ANKS1B: variants seen among roughly 807,000 people sequenced by gnomAD.
The protein encoded by ANKS1B is ankyrin repeat and sterile alpha motif domain-containing protein 1B.
Under a neutral mutation model 148.3 loss-of-function variants are expected in ANKS1B, and 36 were observed. The ratio of observed to expected loss-of-function variants is 0.24; its 90% confidence interval spans 0.19 to 0.32. ANKS1B has a LOEUF of 0.32. Among genes scored for constraint, ANKS1B ranks in the 10% least tolerant of loss-of-function variants. The pLI, the probability that ANKS1B is intolerant of heterozygous loss-of-function variation, is 1.00. For missense variants in ANKS1B, 1,157 were observed against 1,542.6 expected, an observed-to-expected ratio of 0.75 and a Z score of 4.19; for synonymous variants, 542 against 560.8, an observed-to-expected ratio of 0.97 and a Z score of 0.47.
intron 14 of ANKS1B, among the ~76,000 whole-genome samples, chr12:99,183,749 T>C (rs1317298026): frequency 6.6e-6 from 1 of 152,166 alleles, no homozygotes; most frequent in Non-Finnish European, 1.5e-5. Context: ...CCTGAGACTT[T>C]GACATACTAA....
chr12:99,811,623 T>A (rs1274191636), intron 3 of ANKS1B, among the ~76,000 whole-genome samples: 1 of 151,912 alleles, frequency 6.6e-6, no homozygotes, highest in Non-Finnish European at 1.5e-5. Context: ...TTTATTCAAC[T>A]TATTCTGGGC....
At chr12:99,912,856 A>T (rs2094049635) in intron 1 of ANKS1B, among the ~76,000 whole-genome samples, 2 of 152,160 alleles carry the variant, frequency 1.3e-5, no homozygotes. Context: ...AGTACTAAAC[A>T]TTCTATATAT....
At chr12:99,976,175 G>C (rs1310518158) in intron 1 of ANKS1B, among the ~76,000 whole-genome samples, 1 of 152,108 alleles carries the variant, frequency 6.6e-6, no homozygotes, top group African/African-American at 2.4e-5. Context: ...ATAAGGGAAC[G>C]AAAGACACAG....
chr12:99,931,197 C>G (rs7132513), intron 1 of ANKS1B, among the ~76,000 whole-genome samples: 58,042 of 151,276 alleles, frequency 0.38, 11,555 homozygotes, highest in Middle Eastern at 0.46. Flanking sequence ...GTTGTGGGGT[C>G]GGGGGAGAGG....
intron 9 of ANKS1B, among the ~76,000 whole-genome samples, chr12:98,737,365 T>C (rs893851330): frequency 3.3e-5 from 5 of 152,240 alleles, no homozygotes; most frequent in Admixed American, 3.3e-4. Flanking sequence ...TAACTCCCTA[T>C]GTTTCACAAA....
intron 8 of ANKS1B, among the ~76,000 whole-genome samples, chr12:99,692,830 C>T (rs150082805): frequency 2.6e-5 from 4 of 152,216 alleles, no homozygotes; most frequent in Non-Finnish European, 5.9e-5. Flanking sequence ...ATGTGTTCTA[C>T]TTCGGATAAG....
intron 1 of ANKS1B, among the ~76,000 whole-genome samples, chr12:99,866,566 G>A (rs563497774): frequency 2.0e-5 from 3 of 152,146 alleles, no homozygotes; most frequent in African/African-American, 7.2e-5. Flanking sequence ...AATTTGAGTA[G>A]CTCATATTAT....
intron 17 of ANKS1B, among the ~76,000 whole-genome samples, chr12:98,913,541 T>C (rs1486852819): frequency 6.6e-6 from 1 of 152,192 alleles, no homozygotes; most frequent in Non-Finnish European, 1.5e-5. Flanking sequence ...TGTTGACACT[T>C]CCTCAGTGTA....
intron 14 of ANKS1B, among the ~76,000 whole-genome samples, chr12:99,236,342 G>C (rs1355452998): frequency 6.6e-6 from 1 of 152,206 alleles, no homozygotes; most frequent in South Asian, 2.1e-4. Flanking sequence ...ATAAAGAAAA[G>C]AGGTTTAACT....
chr12:99,548,050 G>A (rs1449001096), intron 9 of ANKS1B, among the ~76,000 whole-genome samples: 2 of 152,142 alleles, frequency 1.3e-5, no homozygotes, highest in African/African-American at 4.8e-5. Flanking sequence ...TAAAATTTGT[G>A]TTAATTATCA....
chr12:99,926,209 C>CT (rs2094474194), intron 1 of ANKS1B, among the ~76,000 whole-genome samples: 2 of 152,170 alleles, frequency 1.3e-5, no homozygotes, highest in Admixed American at 1.3e-4. Context: ...CTTTAACTTG[C>CT]TTATATTAGG....
At chr12:99,748,091 C>T (rs540783333) in intron 8 of ANKS1B, among the ~76,000 whole-genome samples, 12 of 152,200 alleles carry the variant, frequency 7.9e-5, no homozygotes, top group African/African-American at 2.9e-4. Context: ...GACTAGCTAG[C>T]TCATCTTGTT....
chr12:99,319,008 T>C (rs2084712714), intron 12 of ANKS1B, among the ~76,000 whole-genome samples: 1 of 152,232 alleles, frequency 6.6e-6, no homozygotes, highest in Non-Finnish European at 1.5e-5. Flanking sequence ...TCTTGAGTTC[T>C]AGTTTGATTG....
chr12:99,962,665 A>G (rs1299400978), intron 1 of ANKS1B, among the ~76,000 whole-genome samples: 1 of 152,218 alleles, frequency 6.6e-6, no homozygotes, highest in Non-Finnish European at 1.5e-5. Context: ...TATGCCCACC[A>G]ACAGTGTAAA....
At chr12:98,908,149 C>T (rs1394413554) in intron 17 of ANKS1B, among the ~76,000 whole-genome samples, 3 of 152,128 alleles carry the variant, frequency 2.0e-5, no homozygotes, top group Non-Finnish European at 4.4e-5. Flanking sequence ...GGGTAGTCAC[C>T]TGTCTGCTGT....
chr12:99,432,456 CAAGG>C (rs1397861715), intron 11 of ANKS1B, among the ~76,000 whole-genome samples: 1 of 151,606 alleles, frequency 6.6e-6, no homozygotes, highest in East Asian at 1.9e-4. Context: ...CTTTATAAAA[CAAGG>C]AAGGAAGGAG....
At chr12:98,892,295 G>C (rs886222048) in intron 17 of ANKS1B, among the ~76,000 whole-genome samples, 2 of 152,128 alleles carry the variant, frequency 1.3e-5, no homozygotes, top group African/African-American at 4.8e-5. Flanking sequence ...CGAAACACAC[G>C]GTGCTCAAAT....
At chr12:99,955,719 A>T (rs1380927565) in intron 1 of ANKS1B, among the ~76,000 whole-genome samples, 1 of 152,138 alleles carries the variant, frequency 6.6e-6, no homozygotes, top group East Asian at 1.9e-4. Flanking sequence ...AAACCAACTG[A>T]ATTCTGGATC....
At position 98,855,693 on chromosome 12, in the gene ANKS1B, T is replaced by C. The variant is rs113201265; in HGVS notation, c.2779-23557A>G. On this transcript the variant is annotated intron_variant, in intron 17 of 26. Coordinates refer to ENST00000683438, the MANE Select transcript of ANKS1B (RefSeq NM_001352186.2). Reference sequence around the variant, plus strand: ...TAAAAGCTGGGACTATACAAATACATCATCAATGTGAAAAGCTGGGAAAAT... The same window carrying C: ...TAAAAGCTGGGACTATACAAATACACCATCAATGTGAAAAGCTGGGAAAAT... 3.3e-5 allele frequency among the ~76,000 whole-genome samples: 5 copies of C among 152,330 alleles called. No homozygotes were observed. In the South Asian group the frequency reaches 1.0e-3, roughly 32 times the overall value.
Sources: allele counts gnomAD v4.1 joint callset (sites outside exome capture counted in the v4.1 genomes callset), GRCh38; gene constraint gnomAD v4.1.1; transcripts MANE v1.5; gene names NCBI Gene and HGNC (gene_info 2026-07-23, HGNC 2026-07-21).